Variants in ADGB observed in about 807,000 individuals in gnomAD.
ADGB encodes the protein androglobin, also known as calpain-7-like protein.
In ADGB, 172 loss-of-function variants were observed where a neutral mutation model predicts 210.5. That is an observed-to-expected ratio of 0.82 (90% CI 0.72 to 0.93). ADGB has a LOEUF of 0.93. Among genes scored for constraint, ADGB ranks in the 40% least tolerant of loss-of-function variants. The probability of loss-of-function intolerance (pLI) is 0.00; values close to 1 mark genes in which losing one functional copy is unlikely to be tolerated. For synonymous variants in ADGB, 658 were observed against 662.7 expected, an observed-to-expected ratio of 0.99 and a Z score of 0.11; for missense variants, 2,025 against 1,964.8, an observed-to-expected ratio of 1.03 and a Z score of -0.58.
At chr6:146,663,268 T>C (rs939547589) in intron 5 of ADGB, among the ~76,000 whole-genome samples, 5 of 148,956 alleles carry the variant, frequency 3.4e-5, no homozygotes, top group Non-Finnish European at 5.9e-5. Context: ...AAGGCTACTA[T>C]ACCAGAATAC....
chr6:146,764,771 CAA>C (rs1377166198), intron 28 of ADGB, among the ~76,000 whole-genome samples: 9 of 151,934 alleles, frequency 5.9e-5, no homozygotes, highest in African/African-American at 1.7e-4. Flanking sequence ...AAATATGAAC[CAA>C]GAGAGAGCTG....
Position 146,815,050 on chromosome 6 carries a change from C to G in ADGB, c.4837C>G (p.Arg1613Gly), listed in dbSNP as rs1456473473. The change falls in exon 36 of 36, where the codon CGA becomes GGA. Residue 1613 changes from arginine to glycine, a missense_variant. Physicochemically the swap from Arg to Gly is moderately radical, Grantham distance 125. Coordinates refer to ENST00000397944, the MANE Select transcript of ADGB (RefSeq NM_024694.4). ...KEMQDSLDEA[R>G]QKIFDIREEY... ...GGAACAGGACTCCTTAGATGAAGCCCGACAGAAAATTTTCGACATCCGGGA... is the reference window on the plus strand; with the variant it reads ...GGAACAGGACTCCTTAGATGAAGCCGGACAGAAAATTTTCGACATCCGGGA... 1 of 1,544,512 alleles carries G rather than the reference C, an allele frequency of 6.5e-7. No homozygotes were observed. The highest frequency in any genetic ancestry group is 2.1e-5 in the Admixed American group (1 of 48,510).
rs138528073 is a variant in ADGB, at chr6:146,747,166, T to C, written c.3365+1057T>C. Among the ~76,000 whole-genome samples, 3 of 152,318 alleles carry C rather than the reference T, an allele frequency of 2.0e-5. No individual in the cohort carries two copies. In the East Asian group the frequency reaches 5.8e-4, roughly 29 times the overall value. ...ACCTAACACAGTGCCTGATACATAA[T>C]TGGCCTCCATTAACAATGTGTTGTT... On this transcript the variant is annotated intron_variant, in intron 26 of 35. Coordinates refer to ENST00000397944, the MANE Select transcript of ADGB (RefSeq NM_024694.4).
chr6:146,723,272 A>G (rs187612265), intron 17 of ADGB, among the ~76,000 whole-genome samples: 1 of 152,108 alleles, frequency 6.6e-6, no homozygotes, highest in Non-Finnish European at 1.5e-5. Flanking sequence ...TATGTCCTCA[A>G]CTCCAGTGTT....
chr6:146,687,346 T>G (rs1293966589), intron 10 of ADGB, among the ~76,000 whole-genome samples: 1 of 152,152 alleles, frequency 6.6e-6, no homozygotes, highest in Non-Finnish European at 1.5e-5. Context: ...GTCTCAGATA[T>G]GCTAGCGAGT....
intron 29 of ADGB, among the ~76,000 whole-genome samples, chr6:146,769,996 C>A (rs1397935391): frequency 6.6e-6 from 1 of 152,094 alleles, no homozygotes; most frequent in Non-Finnish European, 1.5e-5. Flanking sequence ...TAAATTTTAT[C>A]TATTATTTAT....
intron 33 of ADGB, among the ~76,000 whole-genome samples, chr6:146,800,791 T>C (rs1317163329): frequency 1.3e-5 from 2 of 152,204 alleles, no homozygotes; most frequent in East Asian, 3.8e-4. Context: ...CGGTAGTACT[T>C]AGTGTAGCAT....
chr6:146,633,388 CT>C (rs1660551795), intron 1 of ADGB, among the ~76,000 whole-genome samples: 1 of 151,936 alleles, frequency 6.6e-6, no homozygotes, highest in Non-Finnish European at 1.5e-5. Context: ...TTTTGGACCC[CT>C]GCTCAGAACC....
chr6:146,782,882 G>T (rs138115769), intron 30 of ADGB, among the ~76,000 whole-genome samples: 22 of 152,132 alleles, frequency 1.4e-4, no homozygotes, highest in Admixed American at 1.4e-3. Flanking sequence ...AAAAAACAGC[G>T]CACTCTAAAC....
intron 1 of ADGB, among the ~76,000 whole-genome samples, chr6:146,634,822 C>A (rs1390433352): frequency 6.6e-6 from 1 of 151,802 alleles, no homozygotes; most frequent in African/African-American, 2.4e-5. Context: ...CGACCACCCC[C>A]CCAAATTTCC....
At chr6:146,796,195 A>G (rs1778038096) in intron 33 of ADGB, among the ~76,000 whole-genome samples, 3 of 152,172 alleles carry the variant, frequency 2.0e-5, no homozygotes. Flanking sequence ...GAAATCATAG[A>G]TGACACAAAC....
chr6:146,628,260 C>T (rs904627677), intron 1 of ADGB, among the ~76,000 whole-genome samples: 1 of 151,360 alleles, frequency 6.6e-6, no homozygotes, highest in African/African-American at 2.4e-5. Context: ...TTATTAGAAA[C>T]ATCTCCATAT....
chr6:146,726,242 G>A, intron 19 of ADGB, 45 bp downstream of exon 19: 1 of 1,360,626 alleles, frequency 7.3e-7, no homozygotes, highest in South Asian at 1.3e-5. Context: ...TTTATTTAGA[G>A]ATGGAGTCTC....
chr6:146,801,859 G>T lies in ADGB; in HGVS notation c.4666G>T (p.Asp1556Tyr). The change falls in exon 35 of 36, where the codon GAT becomes TAT. Residue 1556 changes from aspartate (D) to tyrosine (Y), a missense_variant. By Grantham distance (160) the Asp-to-Tyr change is radical. Transcript: ENST00000397944. ...AGATACAGATCCTCTGCTGCAAACAGATGAATTGAATCAGCAGCAGGCAAT... is the reference window on the plus strand; with the variant it reads ...AGATACAGATCCTCTGCTGCAAACATATGAATTGAATCAGCAGCAGGCAAT... ...KTDTDPLLQT[D>Y]ELNQQQAMQK... The T allele has an allele frequency of 1.3e-6, 2 of 1,549,906 alleles. No individual in the cohort carries two copies. The highest frequency in any genetic ancestry group is 1.7e-6 in the Non-Finnish European group (2 of 1,146,202).
chr6:146,787,102 T>G (rs1777884637), intron 32 of ADGB, among the ~76,000 whole-genome samples: 1 of 152,130 alleles, frequency 6.6e-6, no homozygotes, highest in South Asian at 2.1e-4. Flanking sequence ...TTAGCAGGAT[T>G]TTTTGCTAAA....
intron 11 of ADGB, among the ~76,000 whole-genome samples, chr6:146,691,979 T>C (rs1776336085): frequency 6.6e-6 from 1 of 151,958 alleles, no homozygotes; most frequent in Non-Finnish European, 1.5e-5. Context: ...GTTTCTTGAA[T>C]GGAAGACCAG....
chr6:146,668,138 C>T (rs1775962123), intron 7 of ADGB, among the ~76,000 whole-genome samples: 1 of 151,962 alleles, frequency 6.6e-6, no homozygotes, highest in South Asian at 2.1e-4. Flanking sequence ...ATCATTTTAC[C>T]ATTGACATTT....
intron 7 of ADGB, 95 bp downstream of exon 7, chr6:146,666,997 G>T: frequency 1.0e-6 from 1 of 972,392 alleles, no homozygotes; most frequent in Non-Finnish European, 1.5e-6. Flanking sequence ...TTCAAGAAAG[G>T]TCATGTTTTG....
At chr6:146,670,828 T>A (rs1037941552) in intron 7 of ADGB, among the ~76,000 whole-genome samples, 20 of 152,040 alleles carry the variant, frequency 1.3e-4, no homozygotes, top group African/African-American at 3.6e-4. Flanking sequence ...AAAAAAAAAA[T>A]TTTTAAAGGC....
Sources: gnomAD v4.1 joint callset for allele counts (sites outside exome capture counted in the v4.1 genomes callset) on GRCh38, gnomAD v4.1.1 for gene constraint, MANE v1.5 for transcripts, NCBI Gene and HGNC (gene_info 2026-07-23, HGNC 2026-07-21) for gene names.